Variants in ENPP6 observed in about 807,000 individuals in gnomAD.
ENPP6 encodes glycerophosphocholine cholinephosphodiesterase ENPP6.
In ENPP6, 32 loss-of-function variants were observed where a neutral mutation model predicts 42.0. That is an observed-to-expected ratio of 0.76 (90% CI 0.58 to 1.02). The LOEUF is 1.02. Among genes scored for constraint, ENPP6 ranks in the 50% least tolerant of loss-of-function variants. The pLI, the probability that ENPP6 is intolerant of heterozygous loss-of-function variation, is 0.00. For synonymous variants in ENPP6, 213 were observed against 216.0 expected (o/e 0.99, Z 0.12); for missense variants, 552 against 566.8 (o/e 0.97, Z 0.27).
At chr4:184,120,096 C>T (rs910447270) in intron 3 of ENPP6, among the ~76,000 whole-genome samples, 3 of 152,248 alleles carry the variant, frequency 2.0e-5, no homozygotes, top group East Asian at 3.9e-4. Context: ...GAAGAAATGC[C>T]TCCCATTTCT....
At chr4:184,112,592 A>C in intron 6 of ENPP6, 80 bp downstream of exon 6, 2 of 1,499,078 alleles carry the variant, frequency 1.3e-6, no homozygotes, top group Non-Finnish European at 1.8e-6. Context: ...ATGTATAAAA[A>C]CTTGAGTAAC....
intron 7 of ENPP6, among the ~76,000 whole-genome samples, chr4:184,095,885 C>T (rs901595620): frequency 1.3e-5 from 2 of 152,128 alleles, no homozygotes; most frequent in Admixed American, 1.3e-4. Context: ...CCTCGGGGTG[C>T]TCCATTCCTA....
In ENPP6 at chr4:184,097,244, C is replaced by T. The variant is rs2111328917; in HGVS notation, c.1117+1G>A. On this transcript the variant is annotated splice_donor_variant, in intron 7 of 7. Transcript: ENST00000296741. LOFTEE classifies it high-confidence loss of function. Reference sequence around the variant, plus strand: ...GAGCATCTGGTCATTTCCTCGCCTACCAGGTCCGAAGGCCAGGAAGATGCC... The same window carrying T: ...GAGCATCTGGTCATTTCCTCGCCTATCAGGTCCGAAGGCCAGGAAGATGCC... The T allele has an allele frequency of 6.2e-7, 1 of 1,614,190 alleles. No individual in the cohort carries two copies. Among genetic ancestry groups the T allele is most frequent in the Non-Finnish European group, 8.5e-7 (1 of 1,180,014 alleles).
At chr4:184,102,571 G>A (rs999401394) in intron 6 of ENPP6, among the ~76,000 whole-genome samples, 7 of 152,204 alleles carry the variant, frequency 4.6e-5, no homozygotes, top group African/African-American at 7.2e-5. Context: ...CCCAACATCC[G>A]GCCTCCAGCT....
chr4:184,147,792 C>A (rs1289179737), intron 2 of ENPP6, among the ~76,000 whole-genome samples: 2 of 81,740 alleles, frequency 2.4e-5, no homozygotes, highest in African/African-American at 3.9e-5. Context: ...CAGAGAAAGA[C>A]CCTGTTTCAA....
chr4:184,101,301 A>G (rs1442302017), intron 6 of ENPP6, among the ~76,000 whole-genome samples: 1 of 101,278 alleles, frequency 9.9e-6, no homozygotes, highest in Admixed American at 1.1e-4. Context: ...TATGTGTGTG[A>G]GCTTGTGTGT....
intron 3 of ENPP6, among the ~76,000 whole-genome samples, chr4:184,121,306 G>A (rs1426763696): frequency 6.6e-6 from 1 of 152,188 alleles, no homozygotes; most frequent in African/African-American, 2.4e-5. Flanking sequence ...TTGGGCGAGG[G>A]ATTCTCTTTC....
At position 184,184,474 on chromosome 4, in the gene ENPP6, A is replaced by T. The variant is rs536745538; in HGVS notation, c.242-30741T>A. Among the ~76,000 whole-genome samples, 161 of 152,370 alleles carry T rather than the reference A, an allele frequency of 1.1e-3. No individual in the cohort carries two copies. Among genetic ancestry groups the T allele is most frequent in the Non-Finnish European group, 1.9e-3 (128 of 68,038 alleles). ...AACTGGAAGATGTAATTGAAAAAAT[A>T]ATGCAGAATTCAGTATATGTGGGAA... On this transcript the variant is annotated intron_variant, in intron 1 of 7. Coordinates refer to ENST00000296741, the MANE Select transcript of ENPP6 (RefSeq NM_153343.4). The surrounding 1 kb of genome is among the most constrained non-coding windows in gnomAD (Gnocchi z 4.7).
At chr4:184,171,044 A>G (rs1337355808) in intron 1 of ENPP6, among the ~76,000 whole-genome samples, 1 of 152,202 alleles carries the variant, frequency 6.6e-6, no homozygotes, top group Non-Finnish European at 1.5e-5. Flanking sequence ...GTAACTGACA[A>G]CCTCAAACCT....
At chr4:184,135,808 T>C (rs1156466109) in intron 2 of ENPP6, among the ~76,000 whole-genome samples, 1 of 152,170 alleles carries the variant, frequency 6.6e-6, no homozygotes, top group Non-Finnish European at 1.5e-5. Context: ...CATGCTCCCT[T>C]CTCATCACTG....
chr4:184,184,241 G>A lies in ENPP6; in HGVS notation c.242-30508C>T, dbSNP rs1404163064. Among the ~76,000 whole-genome samples the A allele has an allele frequency of 1.3e-5, 2 of 152,088 alleles. No individual in the cohort carries two copies. Among genetic ancestry groups the A allele is most frequent in the Non-Finnish European group, 2.9e-5 (2 of 68,030 alleles). Reference sequence around the variant, plus strand: ...ATTTAGCACCAAGAGCTTTAAGTTTGGAATGATTATATTTAGAATAAAAGA... The same window carrying A: ...ATTTAGCACCAAGAGCTTTAAGTTTAGAATGATTATATTTAGAATAAAAGA... On this transcript the variant is annotated intron_variant, in intron 1 of 7. Transcript: ENST00000296741. This position sits in a 1 kb window ranked among gnomAD's most constrained non-coding sequence, Gnocchi z 4.7.
At chr4:184,101,332 GTGTGTGTGTGTGTGTGTGTA>G (rs1305065683) in intron 6 of ENPP6, among the ~76,000 whole-genome samples, 5 of 147,782 alleles carry the variant, frequency 3.4e-5, no homozygotes, top group African/African-American at 1.3e-4. Flanking sequence ...GTGTGTGTGT[GTGTGTGTGTGTGTGTGTGTA>G]GCACTGGGGT....
intron 1 of ENPP6, among the ~76,000 whole-genome samples, chr4:184,210,203 A>T (rs1221174648): frequency 6.7e-6 from 1 of 149,174 alleles, no homozygotes; most frequent in Admixed American, 6.6e-5. Context: ...ACCAGCTAAC[A>T]TCATAATGAC....
intron 1 of ENPP6, among the ~76,000 whole-genome samples, chr4:184,169,746 C>T (rs960597827): frequency 8.5e-5 from 13 of 152,214 alleles, no homozygotes; most frequent in African/African-American, 2.9e-4. Context: ...GGCCAATCAC[C>T]GGTGGCAAAT....
intron 6 of ENPP6, among the ~76,000 whole-genome samples, chr4:184,106,724 G>A (rs1306037942): frequency 6.6e-6 from 1 of 152,140 alleles, no homozygotes; most frequent in Non-Finnish European, 1.5e-5. Context: ...TTATTTGTGT[G>A]GCATGCGTGT....
chr4:184,170,027 T>G (rs1000729060), intron 1 of ENPP6, among the ~76,000 whole-genome samples: 16 of 152,216 alleles, frequency 1.1e-4, no homozygotes, highest in Non-Finnish European at 1.2e-4. Context: ...ATACTCTTGT[T>G]ATCACACCCA....
intron 1 of ENPP6, among the ~76,000 whole-genome samples, chr4:184,210,084 A>G (rs1011715842): frequency 6.6e-6 from 1 of 151,604 alleles, no homozygotes; most frequent in Non-Finnish European, 1.5e-5. Flanking sequence ...CTCCTGAAGG[A>G]AGCGCTAAAC....
rs1736583668 is a variant in ENPP6 at position 184,130,525 on chromosome 4, T to C, written c.422-6253A>G. Among the ~76,000 whole-genome samples, 2 of 73,836 alleles carry C rather than the reference T, an allele frequency of 2.7e-5. 1 individual carries two copies. Among genetic ancestry groups the C allele is most frequent in the South Asian group, 9.6e-4 (2 of 2,084 alleles). 48.4% of individuals were successfully genotyped at this position (73,836 alleles called of 152,430 possible). The stretch of plus-strand genomic sequence containing the variant: ...GTGAGCCGAGATCACACCACTGCAC[T>C]CCAGCCTGGGCCACAGAGCGAGACT... On this transcript the variant is annotated intron_variant, in intron 2 of 7. Coordinates refer to ENST00000296741, the MANE Select transcript of ENPP6 (RefSeq NM_153343.4).
chr4:184,202,565 C>T (rs932129835), intron 1 of ENPP6, among the ~76,000 whole-genome samples: 1 of 152,206 alleles, frequency 6.6e-6, no homozygotes, highest in Non-Finnish European at 1.5e-5. Context: ...AGCACCCCTC[C>T]TTCTGACCTG....
Sources: allele counts gnomAD v4.1 joint callset (sites outside exome capture counted in the v4.1 genomes callset), GRCh38; gene constraint gnomAD v4.1.1; non-coding constraint Gnocchi (gnomAD v3.1); transcripts MANE v1.5; gene names NCBI Gene and HGNC (gene_info 2026-07-23, HGNC 2026-07-21).